The following RFX7 variants were observed in gnomAD, a reference collection of about 807,000 sequenced individuals.
The protein encoded by RFX7 is DNA-binding protein RFX7.
RFX7 carries 26 observed loss-of-function variants against 111.8 expected under a neutral mutation model. The ratio of observed to expected loss-of-function variants is 0.23; its 90% confidence interval spans 0.17 to 0.32. The LOEUF is 0.32. Among genes scored for constraint, RFX7 ranks in the 10% least tolerant of loss-of-function variants. The pLI is 1.00. For synonymous variants in RFX7, 624 were observed against 624.4 expected (o/e 1.00, Z 0.01); for missense variants, 1,573 against 1,772.9 (o/e 0.89, Z 2.02).
chr15:56,103,726 G>A (rs1202007834), intron 5 of RFX7, 56 bp from the exon 6 acceptor site: 1 of 1,046,088 alleles, frequency 9.6e-7, no homozygotes, highest in East Asian at 2.6e-5. Flanking sequence ...TATATCGCAG[G>A]GTGCTATTTC....
intron 2 of RFX7, among the ~76,000 whole-genome samples, chr15:56,196,985 A>G (rs1431523590): frequency 6.6e-6 from 1 of 152,164 alleles, no homozygotes; most frequent in East Asian, 1.9e-4. Flanking sequence ...TTGCCTTTCA[A>G]GGTAATTTTG....
chr15:56,236,740 C>T (rs1339614616), intron 2 of RFX7, among the ~76,000 whole-genome samples: 1 of 152,096 alleles, frequency 6.6e-6, no homozygotes, highest in Non-Finnish European at 1.5e-5. Flanking sequence ...TATTACATTA[C>T]TATTATGGGA....
At chr15:56,190,576 AC>A (rs1330643473) in intron 2 of RFX7, among the ~76,000 whole-genome samples, 1 of 152,234 alleles carries the variant, frequency 6.6e-6, no homozygotes, top group Non-Finnish European at 1.5e-5. Context: ...GATATGAATC[AC>A]AAAAGCATTC....
Position 56,149,861 on chromosome 15 carries a change from C to G in RFX7, c.196-5378G>C, listed in dbSNP as rs559400948. On this transcript the variant is annotated intron_variant, in intron 3 of 9. Coordinates refer to ENST00000559447, the MANE Select transcript of RFX7 (RefSeq NM_022841.7). ...CATGTGGAATGCCACTAAGACAGAA[C>G]CATTTACTCCCCTGGAAAGGGGCGC... is the stretch of plus-strand genomic sequence containing the variant. Among the ~76,000 whole-genome samples, 118 of 151,810 alleles carry G rather than the reference C, an allele frequency of 7.8e-4. 1 individual carries two copies. The highest frequency in any genetic ancestry group is 3.8e-3 in the Admixed American group (58 of 15,254).
At chr15:56,103,401 A>C (rs1484062822) in intron 6 of RFX7, 153 bp downstream of exon 6, 61 of 567,374 alleles carry the variant, frequency 1.1e-4, no homozygotes, top group Non-Finnish European at 1.6e-5. Context: ...ATACCTGTGA[A>C]AGTTACATTT....
At chr15:56,160,010 G>C (rs1396833003) in intron 3 of RFX7, among the ~76,000 whole-genome samples, 1 of 152,134 alleles carries the variant, frequency 6.6e-6, no homozygotes, top group African/African-American at 2.4e-5. Flanking sequence ...GAAATCTGTA[G>C]TGATTTGTTT....
rs537494179 is a variant in RFX7, at chr15:56,213,776, T to G, written c.161+29349A>C. 1.7e-3 allele frequency among the ~76,000 whole-genome samples: 266 copies of G among 152,316 alleles called. 1 individual carries two copies. The highest frequency in any genetic ancestry group is 6.3e-3 in the African/African-American group (260 of 41,578). On this transcript the variant is annotated intron_variant, in intron 2 of 9. Coordinates refer to ENST00000559447, the MANE Select transcript of RFX7 (RefSeq NM_022841.7). ...AATAAAAAGTTCAATTAGAAAAAAT[T>G]AAACATACATATGTAATCATTTCCT...
intron 5 of RFX7, among the ~76,000 whole-genome samples, chr15:56,133,391 AG>A (rs1217159190): frequency 6.6e-6 from 1 of 152,092 alleles, no homozygotes; most frequent in Non-Finnish European, 1.5e-5. Context: ...TGACTATTAA[AG>A]GGATTTTGAC....
intron 2 of RFX7, among the ~76,000 whole-genome samples, chr15:56,241,526 T>A (rs528679896): frequency 6.6e-6 from 1 of 152,272 alleles, no homozygotes; most frequent in East Asian, 1.9e-4. Flanking sequence ...AAAACCAAGG[T>A]GCTTAATTCA....
chr15:56,235,972 T>C (rs1309611883), intron 2 of RFX7, among the ~76,000 whole-genome samples: 1 of 152,196 alleles, frequency 6.6e-6, no homozygotes, highest in African/African-American at 2.4e-5. Flanking sequence ...TTGGAATCTG[T>C]CACTTTCTGA....
At chr15:56,176,646 A>G (rs75788223) in intron 3 of RFX7, among the ~76,000 whole-genome samples, 114 of 152,294 alleles carry the variant, frequency 7.5e-4, no homozygotes, top group Non-Finnish European at 1.3e-3. Context: ...GAGAAAATTC[A>G]TTACACACAA....
intron 8 of RFX7, 45 bp downstream of exon 8, chr15:56,101,314 A>G (rs1340838538): frequency 2.0e-5 from 29 of 1,461,880 alleles, no homozygotes; most frequent in African/African-American, 2.8e-5. Flanking sequence ...TCTAAATACA[A>G]TAATACCTCT....
intron 5 of RFX7, among the ~76,000 whole-genome samples, chr15:56,107,296 CAAAAA>C (rs56077181): frequency 1.2e-4 from 4 of 32,136 alleles, no homozygotes; most frequent in South Asian, 2.2e-3. Context: ...GACTCCGTCT[CAAAAA>C]AAAAAAAAAA....
chr15:56,143,849 G>C (rs1326471898), intron 4 of RFX7, among the ~76,000 whole-genome samples: 1 of 152,004 alleles, frequency 6.6e-6, no homozygotes, highest in Non-Finnish European at 1.5e-5. Flanking sequence ...ATACTTAAAA[G>C]GTTAAGGAAA....
At chr15:56,115,942 C>CA (rs35440094) in intron 5 of RFX7, among the ~76,000 whole-genome samples, 1,776 of 99,828 alleles carry the variant, frequency 0.018, 11 homozygotes, top group African/African-American at 0.03. Context: ...GACTCCGTCT[C>CA]AAAAAAAAAA....
chr15:56,143,672 A>C (rs980557222), intron 4 of RFX7, among the ~76,000 whole-genome samples: 1 of 152,196 alleles, frequency 6.6e-6, no homozygotes. Context: ...TTCAAAGAAA[A>C]CACTGAGCAA....
intron 2 of RFX7, among the ~76,000 whole-genome samples, chr15:56,196,768 T>C (rs114615330): frequency 3.3e-4 from 50 of 152,342 alleles, no homozygotes; most frequent in African/African-American, 1.2e-3. Flanking sequence ...CAAACTAATA[T>C]GCACGGTATT....
intron 5 of RFX7, among the ~76,000 whole-genome samples, chr15:56,107,227 G>T (rs1165644485): frequency 6.8e-6 from 1 of 147,796 alleles, no homozygotes; most frequent in Non-Finnish European, 1.5e-5. Flanking sequence ...AACCCAGGAG[G>T]CGGAGCTTGC....
At chr15:56,209,444 G>A (rs1455578652) in intron 2 of RFX7, among the ~76,000 whole-genome samples, 1 of 152,002 alleles carries the variant, frequency 6.6e-6, no homozygotes, top group East Asian at 1.9e-4. Flanking sequence ...TAGAGAGAAG[G>A]AAAATAATAA....
Sources: allele counts gnomAD v4.1 joint callset (sites outside exome capture counted in the v4.1 genomes callset), GRCh38; gene constraint gnomAD v4.1.1; transcripts MANE v1.5; gene names NCBI Gene and HGNC (gene_info 2026-07-23, HGNC 2026-07-21).